Variants in SIK2 observed in about 807,000 individuals in gnomAD.
SIK2 encodes the protein serine/threonine-protein kinase SIK2.
A neutral mutation model predicts 103.2 loss-of-function variants in SIK2; 29 were observed. That is an observed-to-expected ratio of 0.28 (90% CI 0.21 to 0.38). The LOEUF is 0.38. Ranked by LOEUF, SIK2 falls within the 10% of genes least tolerant of loss-of-function variation. The pLI is 1.00. For synonymous variants in SIK2, 412 were observed against 446.1 expected (o/e 0.92, Z 0.96); for missense variants, 879 against 1,171.0 (o/e 0.75, Z 3.64).
intron 3 of SIK2, among the ~76,000 whole-genome samples, chr11:111,673,200 TAGTC>T (rs1190099485): frequency 3.9e-5 from 6 of 152,250 alleles, no homozygotes; most frequent in African/African-American, 1.2e-4. Flanking sequence ...GTTCCTCTGT[TAGTC>T]AGAGTCATTA....
At chr11:111,614,478 G>C (rs889767907) in intron 1 of SIK2, among the ~76,000 whole-genome samples, 9 of 152,142 alleles carry the variant, frequency 5.9e-5, no homozygotes, top group Non-Finnish European at 1.2e-4. Context: ...TATGTTACAT[G>C]CATTATATAC....
At chr11:111,711,494 A>G (rs955749463) in intron 8 of SIK2, among the ~76,000 whole-genome samples, 1 of 152,238 alleles carries the variant, frequency 6.6e-6, no homozygotes, top group African/African-American at 2.4e-5. Flanking sequence ...ACGTGAGAAC[A>G]GACTTCAAAC....
intron 3 of SIK2, among the ~76,000 whole-genome samples, chr11:111,681,579 C>G (rs906278120): frequency 6.6e-6 from 1 of 152,164 alleles, no homozygotes; most frequent in African/African-American, 2.4e-5. Context: ...GGGAAATAAA[C>G]ACACAATCTT....
chr11:111,698,266 CCAGAGAAGTGTTCCCAGCTCTTG>C (rs1444639763), intron 4 of SIK2, among the ~76,000 whole-genome samples: 2 of 152,190 alleles, frequency 1.3e-5, no homozygotes, highest in Non-Finnish European at 2.9e-5. Flanking sequence ...TACCACGGGT[CCAGAGAAGTGTTCCCAGCTCTTG>C]TTCTCTTGCC....
chr11:111,622,137 T>C (rs10749984), intron 3 of SIK2, among the ~76,000 whole-genome samples: 90,201 of 151,660 alleles, frequency 0.59, 29,980 homozygotes, highest in East Asian at 0.96. Context: ...GATTTCCATA[T>C]TTTTTGAAAA....
At chr11:111,715,565 T>C (rs746391970) in intron 9 of SIK2, among the ~76,000 whole-genome samples, 1 of 152,154 alleles carries the variant, frequency 6.6e-6, no homozygotes, top group Non-Finnish European at 1.5e-5. Context: ...AATGGAAACT[T>C]TGGTTTGCAG....
intron 3 of SIK2, among the ~76,000 whole-genome samples, chr11:111,630,862 T>G (rs1320423740): frequency 6.6e-6 from 1 of 152,110 alleles, no homozygotes; most frequent in African/African-American, 2.4e-5. Context: ...TAAAACTACC[T>G]TTTGAAGTTC....
Position 111,671,143 on chromosome 11 carries a change from CCTGAGTAGCCA to C in SIK2, c.317-16854_317-16844del, listed in dbSNP as rs1370159609. 10 of 205,136 alleles carry C rather than the reference CCTGAGTAGCCA, an allele frequency of 4.9e-5. No individual in the cohort carries two copies. In the East Asian group the frequency reaches 1.5e-3, roughly 31 times the overall value. The allele number at this position is 205,136 out of a possible 1,614,324, so 12.7% of individuals were successfully genotyped here. A position where few individuals can be genotyped will look rare whatever the true frequency, so the allele number is the denominator to read the frequency against. On this transcript the variant is annotated intron_variant, in intron 3 of 14. Transcript: ENST00000304987. The stretch of plus-strand genomic sequence containing the variant: ...ACCCCTATAGGCCCAGCTCAGCCCA[CCTGAGTAGCCA>C]CTGGTGGTCTTCCTATGGATACTCA...
intron 1 of SIK2, among the ~76,000 whole-genome samples, chr11:111,603,245 C>T (rs1431388786): frequency 1.3e-5 from 2 of 152,188 alleles, no homozygotes; most frequent in Non-Finnish European, 1.5e-5. Flanking sequence ...GGAATACCCC[C>T]ACGGCCACTG....
intron 1 of SIK2, among the ~76,000 whole-genome samples, chr11:111,606,967 A>AAC (rs1555023457): frequency 1.3e-5 from 2 of 151,652 alleles, no homozygotes; most frequent in Non-Finnish European, 2.9e-5. Flanking sequence ...AAAAAAAAAA[A>AAC]AACTTATAAA....
chr11:111,676,809 A>G (rs187859573), intron 3 of SIK2, among the ~76,000 whole-genome samples: 64 of 152,344 alleles, frequency 4.2e-4, no homozygotes, highest in African/African-American at 1.4e-3. Context: ...GGTAAATCAT[A>G]GTCTGTTCTT....
At chr11:111,717,338 A>AAAAAAAAAAT (rs1943674197) in intron 9 of SIK2, among the ~76,000 whole-genome samples, 1 of 149,062 alleles carries the variant, frequency 6.7e-6, no homozygotes, top group Non-Finnish European at 1.5e-5. Context: ...AAAAAAAAAA[A>AAAAAAAAAAT]AAAAAGCTCA....
At chr11:111,650,487 A>G (rs1053750967) in intron 3 of SIK2, among the ~76,000 whole-genome samples, 2 of 152,146 alleles carry the variant, frequency 1.3e-5, no homozygotes, top group African/African-American at 2.4e-5. Context: ...TGTGCACTCA[A>G]TGCAGAAATT....
intron 3 of SIK2, among the ~76,000 whole-genome samples, chr11:111,655,349 A>G (rs1246912418): frequency 6.6e-6 from 1 of 152,222 alleles, no homozygotes; most frequent in Admixed American, 6.5e-5. Flanking sequence ...GGTTGCAGTG[A>G]GCCAAGATTG....
intron 10 of SIK2, 86 bp downstream of exon 10, chr11:111,720,089 A>G (rs1378962431): frequency 6.0e-6 from 8 of 1,333,864 alleles, no homozygotes; most frequent in South Asian, 2.5e-5. Flanking sequence ...ATGCCAGCCA[A>G]CACCTAAAAT....
At chr11:111,713,691 G>A (rs1433909682) in intron 9 of SIK2, among the ~76,000 whole-genome samples, 2 of 152,166 alleles carry the variant, frequency 1.3e-5, no homozygotes, top group South Asian at 2.1e-4. Context: ...AATATGGGCC[G>A]GGCATGGTGG....
chr11:111,692,097 T>G (rs528173229), intron 4 of SIK2, among the ~76,000 whole-genome samples: 2 of 151,766 alleles, frequency 1.3e-5, no homozygotes, highest in East Asian at 3.9e-4. Context: ...ATGCCTGTAA[T>G]CCTAGCACTT....
intron 3 of SIK2, among the ~76,000 whole-genome samples, chr11:111,650,781 G>A (rs779614602): frequency 4.6e-5 from 7 of 152,082 alleles, no homozygotes; most frequent in Admixed American, 6.6e-5. Flanking sequence ...GTAGATGAAA[G>A]TAATAGACTT....
chr11:111,676,559 G>GT (rs950542571), intron 3 of SIK2, among the ~76,000 whole-genome samples: 3 of 152,038 alleles, frequency 2.0e-5, no homozygotes, highest in African/African-American at 7.2e-5. Flanking sequence ...TGGCTTCATT[G>GT]TTTTTTTATT....
Sources: gnomAD v4.1 joint callset for allele counts (sites outside exome capture counted in the v4.1 genomes callset) on GRCh38, gnomAD v4.1.1 for gene constraint, MANE v1.5 for transcripts, NCBI Gene and HGNC (gene_info 2026-07-23, HGNC 2026-07-21) for gene names.